The following FIP1L1 variants were observed in gnomAD, a reference collection of about 807,000 sequenced individuals.
The protein encoded by FIP1L1 is factor interacting with PAPOLA and CPSF1.
Under a neutral mutation model 84.6 loss-of-function variants are expected in FIP1L1, and 21 were observed. The observed-to-expected ratio is 0.25, with a 90% CI of 0.18 to 0.36. FIP1L1 has a LOEUF of 0.36. FIP1L1 is among the 10% of genes least tolerant of loss of function. FIP1L1 has a pLI of 1.00. For synonymous variants in FIP1L1, 263 were observed against 242.3 expected, an observed-to-expected ratio of 1.09 and a Z score of -0.80; for missense variants, 526 against 751.1, an observed-to-expected ratio of 0.70 and a Z score of 3.50.
At chr4:53,383,719 A>G in intron 4 of FIP1L1, 54 bp from the exon 5 acceptor site, 1 of 1,484,904 alleles carries the variant, frequency 6.7e-7, no homozygotes, top group Non-Finnish European at 9.1e-7. Flanking sequence ...TATTAGTATT[A>G]GATGTTGAAA....
intron 10 of FIP1L1, among the ~76,000 whole-genome samples, chr4:53,406,802 T>C (rs7697622): frequency 0.56 from 84,457 of 152,048 alleles, 25,308 homozygotes; most frequent in Non-Finnish European, 0.67. Flanking sequence ...TGCGTAGAAG[T>C]GTTTGTAGTA....
intron 15 of FIP1L1, among the ~76,000 whole-genome samples, chr4:53,445,917 G>T (rs1332855384): frequency 1.3e-5 from 2 of 152,164 alleles, no homozygotes; most frequent in Non-Finnish European, 2.9e-5. Flanking sequence ...GTCTCCTACA[G>T]AAGTAATCCA....
chr4:53,438,541 C>T (rs1770491033), intron 13 of FIP1L1, among the ~76,000 whole-genome samples: 1 of 152,088 alleles, frequency 6.6e-6, no homozygotes, highest in Non-Finnish European at 1.5e-5. Flanking sequence ...ATGGAGGTCT[C>T]ACAAGAAGGG....
chr4:53,379,113 C>T lies in FIP1L1; in HGVS notation c.126C>T (p.Asp42=), dbSNP rs779527379. ...ATGTGCACAGTGATTTGGCAAAGGACCTAGGTTAGTGCTTGTGATGATCAC... is the reference window on the plus strand; with the variant it reads ...ATGTGCACAGTGATTTGGCAAAGGATCTAGGTTAGTGCTTGTGATGATCAC... ...DVHVHSDLAK[D]LDENEVERPE... The change falls in exon 2 of 18, where the codon GAC becomes GAT. Residue 42 remains aspartate (D), a synonymous_variant. Transcript: ENST00000337488. 3.7e-6 allele frequency: 6 copies of T among 1,613,910 alleles called. No individual in the cohort carries two copies. In the Admixed American group the frequency reaches 1.0e-4, roughly 27 times the overall value.
chr4:53,404,949 T>G (rs1325416990), intron 10 of FIP1L1, among the ~76,000 whole-genome samples: 6 of 151,546 alleles, frequency 4.0e-5, no homozygotes, highest in African/African-American at 7.2e-5. Flanking sequence ...TTTCTCCCAT[T>G]TTGTAGGTTG....
At chr4:53,425,769 A>T (rs934066120) in intron 11 of FIP1L1, 103 bp from the exon 12 acceptor site, 3 of 795,212 alleles carry the variant, frequency 3.8e-6, no homozygotes, top group African/African-American at 1.8e-5. Flanking sequence ...GTTTTATTTT[A>T]AAATTTATTG....
At chr4:53,452,162 A>G (rs992609343) in intron 15 of FIP1L1, among the ~76,000 whole-genome samples, 4 of 152,072 alleles carry the variant, frequency 2.6e-5, no homozygotes, top group African/African-American at 9.7e-5. Context: ...GATTACAGGC[A>G]TGAGCCACTG....
intron 5 of FIP1L1, among the ~76,000 whole-genome samples, chr4:53,384,214 G>A (rs1739630170): frequency 6.6e-6 from 1 of 152,228 alleles, no homozygotes; most frequent in South Asian, 2.1e-4. Flanking sequence ...TTCAAGACCA[G>A]CCTGACCAGC....
chr4:53,457,905 C>T (rs529598285), intron 16 of FIP1L1, among the ~76,000 whole-genome samples: 1 of 152,234 alleles, frequency 6.6e-6, no homozygotes, highest in African/African-American at 2.4e-5. Context: ...CCCTCTAACT[C>T]TAGCCATTAG....
At chr4:53,431,629 TTTTC>T (rs373808486) in intron 13 of FIP1L1, among the ~76,000 whole-genome samples, 148,707 of 152,118 alleles carry the variant, frequency 0.98, 72,783 homozygotes, top group Middle Eastern at 1. Context: ...TTTTGTTTTG[TTTTC>T]AAATAAATAG....
chr4:53,420,292 C>T (rs983328196), intron 11 of FIP1L1, among the ~76,000 whole-genome samples: 17 of 142,590 alleles, frequency 1.2e-4, no homozygotes, highest in East Asian at 2.1e-4. Flanking sequence ...AATAGCTGGG[C>T]GTGGTAGCAT....
chr4:53,428,331 A>T (rs1765142129), intron 13 of FIP1L1, 148 bp downstream of exon 13: 1 of 683,124 alleles, frequency 1.5e-6, no homozygotes, highest in East Asian at 3.0e-5. Context: ...TGAAACAGAT[A>T]TATATATGTT....
rs10719406 is a variant in FIP1L1 at position 53,414,538 on chromosome 4, GAAA to G, written c.816-66_816-64del. On this transcript the variant is annotated intron_variant, in intron 10 of 17. Coordinates refer to ENST00000337488, the MANE Select transcript of FIP1L1 (RefSeq NM_030917.4). ...AAAGACTTTAGAAAAAGCATGTCAA[GAAA>G]AAAAAAAAAACAGAACAAGGGGGGT... 2.1e-3 allele frequency: 1,546 copies of G among 735,686 alleles called. 18 individuals are homozygous for G. In the African/African-American group the frequency reaches 0.025, roughly 12 times the overall value. 45.6% of individuals were successfully genotyped at this position (735,686 alleles called of 1,614,324 possible).
chr4:53,401,409 G>C (rs887057064), intron 10 of FIP1L1, among the ~76,000 whole-genome samples: 2 of 152,162 alleles, frequency 1.3e-5, no homozygotes, highest in African/African-American at 4.8e-5. Flanking sequence ...GGTTTGTAAA[G>C]TTTCGATTTA....
At chr4:53,381,788 C>T (rs1738191373) in intron 3 of FIP1L1, among the ~76,000 whole-genome samples, 1 of 63,078 alleles carries the variant, frequency 1.6e-5, no homozygotes, top group African/African-American at 6.4e-5. Context: ...GAGACAGCAT[C>T]TCACGCTGTC....
At chr4:53,386,165 G>C (rs1740980408) in intron 5 of FIP1L1, among the ~76,000 whole-genome samples, 1 of 151,694 alleles carries the variant, frequency 6.6e-6, no homozygotes, top group African/African-American at 2.4e-5. Flanking sequence ...ACCTATCTCT[G>C]TGAGATTGAT....
At chr4:53,429,018 T>C (rs1406552455) in intron 13 of FIP1L1, among the ~76,000 whole-genome samples, 1 of 152,222 alleles carries the variant, frequency 6.6e-6, no homozygotes, top group Non-Finnish European at 1.5e-5. Flanking sequence ...TCACTCACTT[T>C]TATTTGCAAG....
intron 15 of FIP1L1, among the ~76,000 whole-genome samples, chr4:53,444,603 A>AT (rs1021263835): frequency 2.6e-5 from 4 of 151,250 alleles, no homozygotes; most frequent in East Asian, 1.9e-4. Flanking sequence ...CATTGTACTA[A>AT]TTTTTTTTTG....
intron 13 of FIP1L1, among the ~76,000 whole-genome samples, chr4:53,430,465 C>T (rs1411525320): frequency 6.7e-6 from 1 of 150,308 alleles, no homozygotes; most frequent in Non-Finnish European, 1.5e-5. Flanking sequence ...CCTCCTGCCT[C>T]AGAGTAGCTG....
Sources: allele counts gnomAD v4.1 joint callset (sites outside exome capture counted in the v4.1 genomes callset), GRCh38; gene constraint gnomAD v4.1.1; transcripts MANE v1.5; gene names NCBI Gene and HGNC (gene_info 2026-07-23, HGNC 2026-07-21).